The following SPTAN1 variants were observed in gnomAD, a reference collection of about 807,000 sequenced individuals.
The protein encoded by SPTAN1 is spectrin alpha chain, non-erythrocytic 1.
A neutral mutation model predicts 331.3 loss-of-function variants in SPTAN1; 61 were observed. That is an observed-to-expected ratio of 0.18 (90% confidence interval 0.15 to 0.23). SPTAN1 has a LOEUF of 0.23. Ranked by LOEUF, SPTAN1 falls within the 10% of genes least tolerant of loss-of-function variation. The pLI is 1.00. For synonymous variants in SPTAN1, 1,153 were observed against 1,173.9 expected, an observed-to-expected ratio of 0.98 and a Z score of 0.36; for missense variants, 2,043 against 3,147.9, an observed-to-expected ratio of 0.65 and a Z score of 8.40.
intron 21 of SPTAN1, among the ~76,000 whole-genome samples, chr9:128,589,709 G>A (rs199707663): frequency 1.3e-5 from 2 of 151,738 alleles, no homozygotes; most frequent in East Asian, 3.9e-4. Context: ...CCGAGCAGCT[G>A]GGACTACAGG....
rs1339046005 is a variant in SPTAN1, at chr9:128,585,786, G to A, written c.2599G>A (p.Glu867Lys). The change falls in exon 19 of 57, where the codon GAG becomes AAG. Residue 867 changes from glutamate to lysine, a missense_variant. Coordinates refer to ENST00000372739, the MANE Select transcript of SPTAN1 (RefSeq NM_001130438.3). ...AAEDVKAKLH[E>K]LNQKWEALKA... ...AGAGGATGTGAAGGCCAAGCTTCAC[G>A]AGCTGAACCAAAAGTGGGAGGCACT... 1 of 1,613,976 alleles carries A rather than the reference G, an allele frequency of 6.2e-7. No homozygotes were observed. The highest frequency in any genetic ancestry group is 1.7e-5 in the Admixed American group (1 of 59,994).
chr9:128,609,101 C>A, intron 35 of SPTAN1, 21 bp from the exon 36 acceptor site: 1 of 1,614,214 alleles, frequency 6.2e-7, no homozygotes, highest in Non-Finnish European at 8.5e-7. Flanking sequence ...CATGTTGGAT[C>A]TCATGGTTTC....
intron 51 of SPTAN1, chr9:128,630,075 G>C (rs539608348): frequency 1.5e-6 from 1 of 680,072 alleles, no homozygotes; most frequent in South Asian, 1.4e-5. Context: ...TTGGGAGCAA[G>C]ACGAGTGGGC....
chr9:128,594,086 T>A (rs1853898554), intron 23 of SPTAN1, 89 bp from the exon 24 acceptor site: 1 of 1,261,476 alleles, frequency 7.9e-7, no homozygotes, highest in African/African-American at 1.5e-5. Context: ...AATCCACATC[T>A]TGGAGACACC....
At chr9:128,576,252 G>C (rs1378324133) in intron 5 of SPTAN1, among the ~76,000 whole-genome samples, 1 of 152,100 alleles carries the variant, frequency 6.6e-6, no homozygotes, top group East Asian at 1.9e-4. Context: ...TTAAAGAAAT[G>C]TCTCTAAGCT....
chr9:128,608,448 TAATG>T (rs1405826755), intron 34 of SPTAN1, among the ~76,000 whole-genome samples, 172 bp downstream of exon 34: 1 of 152,016 alleles, frequency 6.6e-6, no homozygotes, highest in East Asian at 1.9e-4. Flanking sequence ...GAGATTTTAA[TAATG>T]GGGGTGCCAC....
At chr9:128,560,956 C>T (rs953300022) in intron 1 of SPTAN1, among the ~76,000 whole-genome samples, 1 of 131,292 alleles carries the variant, frequency 7.6e-6, no homozygotes, top group African/African-American at 2.9e-5. Context: ...GCGGATGTTG[C>T]TGTGAACCCA....
intron 51 of SPTAN1, chr9:128,630,086 T>C: frequency 1.4e-6 from 1 of 702,894 alleles, no homozygotes; most frequent in South Asian, 1.4e-5. Context: ...ACGAGTGGGC[T>C]CAGCCCTGGC....
At chr9:128,600,588 A>G (rs1454828220) in intron 27 of SPTAN1, among the ~76,000 whole-genome samples, 1 of 152,224 alleles carries the variant, frequency 6.6e-6, no homozygotes, top group African/African-American at 2.4e-5. Flanking sequence ...ATTTTTCTGG[A>G]CAAATCTGGG....
At chr9:128,620,008 C>T (rs1201301169) in intron 44 of SPTAN1, among the ~76,000 whole-genome samples, 6 of 152,194 alleles carry the variant, frequency 3.9e-5, no homozygotes, top group African/African-American at 1.4e-4. Flanking sequence ...CTCCACATGG[C>T]CTGTTGTCCT....
intron 2 of SPTAN1, 91 bp from the exon 3 acceptor site, chr9:128,568,681 A>G: frequency 6.4e-7 from 1 of 1,569,014 alleles, no homozygotes; most frequent in Admixed American, 1.7e-5. Flanking sequence ...AGGGAGCAGG[A>G]TTGAGGAGGG....
At chr9:128,561,154 G>C (rs989071094) in intron 1 of SPTAN1, among the ~76,000 whole-genome samples, 1 of 151,728 alleles carries the variant, frequency 6.6e-6, no homozygotes, top group Non-Finnish European at 1.5e-5. Flanking sequence ...CGGACCACAA[G>C]GTCGAGATCA....
chr9:128,556,967 T>G (rs1296055885), intron 1 of SPTAN1, among the ~76,000 whole-genome samples: 1 of 152,212 alleles, frequency 6.6e-6, no homozygotes, highest in East Asian at 1.9e-4. Flanking sequence ...ATGGATATAG[T>G]TCTCTTGCTT....
chr9:128,631,149 G>A (rs1185942749), intron 52 of SPTAN1, among the ~76,000 whole-genome samples: 1 of 151,960 alleles, frequency 6.6e-6, no homozygotes, highest in Non-Finnish European at 1.5e-5. Context: ...CCGGCCGAGG[G>A]CTCTTCACTT....
At position 128,625,515 on chromosome 9, in the gene SPTAN1, TG is replaced by T. The variant is rs1416712334; in HGVS notation, c.6070-251del. 6.6e-6 allele frequency among the ~76,000 whole-genome samples: 1 copy of T among 151,816 alleles called. No homozygotes were observed. Among genetic ancestry groups the T allele is most frequent in the Non-Finnish European group, 1.5e-5 (1 of 68,010 alleles). On this transcript the variant is annotated intron_variant, in intron 47 of 56. Transcript: ENST00000372739. This position sits in a 1 kb window ranked among gnomAD's most constrained non-coding sequence, Gnocchi z 4.1. ...AGGGAGAGAGGCAGGGCGAGTGTTC[TG>T]GGCAGAGCTGGCAGGGATCCCTGGG...
chr9:128,627,755 G>T lies in SPTAN1; in HGVS notation c.6690-170G>T, dbSNP rs1564320006. 1.1e-6 allele frequency: 1 copy of T among 927,782 alleles called. No homozygotes were observed. The allele number at this position is 927,782 out of a possible 1,614,324, so 57.5% of individuals were successfully genotyped here. ...TGAGTGGGACCATGCAGGGCGCGTGGTCAGCCCCAGCCATGACTTGGTGAC... is the reference window on the plus strand; with the variant it reads ...TGAGTGGGACCATGCAGGGCGCGTGTTCAGCCCCAGCCATGACTTGGTGAC... On this transcript the variant is annotated intron_variant, in intron 50 of 56. Transcript: ENST00000372739. This position sits in a 1 kb window ranked among gnomAD's most constrained non-coding sequence, Gnocchi z 4.9.
intron 41 of SPTAN1, 32 bp from the exon 42 acceptor site, chr9:128,617,608 A>G: frequency 1.2e-6 from 2 of 1,613,986 alleles, no homozygotes; most frequent in Non-Finnish European, 1.7e-6. Context: ...AGGTGCAGAG[A>G]CTGACTGTGC....
Position 128,626,657 on chromosome 9 carries a change from G to A in SPTAN1, c.6546G>A (p.Glu2182=), listed in dbSNP as rs1239717990. The part of the protein sequence containing the change: ...YTWFTMEALE[E]TWRNLQKIIK... Reference sequence around the variant, plus strand: ...GGTTTACCATGGAGGCCCTGGAGGAGACCTGGAGGAACCTACAGAAAATCA... The same window carrying A: ...GGTTTACCATGGAGGCCCTGGAGGAAACCTGGAGGAACCTACAGAAAATCA... Residue 2182 remains glutamate, a synonymous_variant, in exon 49 of 57, where the codon GAG becomes GAA. Coordinates refer to ENST00000372739, the MANE Select transcript of SPTAN1 (RefSeq NM_001130438.3). 2 of 1,612,724 alleles carry A rather than the reference G, an allele frequency of 1.2e-6. No homozygotes were observed. The highest frequency in any genetic ancestry group is 1.7e-6 in the Non-Finnish European group (2 of 1,179,562).
At chr9:128,597,775 C>G (rs536837745) in intron 24 of SPTAN1, among the ~76,000 whole-genome samples, 1 of 152,120 alleles carries the variant, frequency 6.6e-6, no homozygotes, top group Non-Finnish European at 1.5e-5. Flanking sequence ...CTCAACCTCC[C>G]GAACAGCTGG....
Sources: allele counts gnomAD v4.1 joint callset (sites outside exome capture counted in the v4.1 genomes callset), GRCh38; gene constraint gnomAD v4.1.1; non-coding constraint Gnocchi (gnomAD v3.1); transcripts MANE v1.5; gene names NCBI Gene and HGNC (gene_info 2026-07-23, HGNC 2026-07-21).